WWOX: variants seen among roughly 807,000 people sequenced by gnomAD.
WWOX encodes the protein WW domain containing oxidoreductase, also known as WW domain-containing oxidoreductase.
WWOX carries 69 observed loss-of-function variants against 46.2 expected under a neutral mutation model. The observed-to-expected ratio is 1.49, with a 90% confidence interval of 1.23 to 1.82. The LOEUF is 1.82. Among genes scored for constraint, WWOX ranks in the 40% most tolerant of loss-of-function variants. WWOX has a pLI of 0.00. For missense variants in WWOX, 919 were observed against 542.6 expected (o/e 1.69, Z -6.89); for synonymous variants, 359 against 202.6 (o/e 1.77, Z -6.56).
At chr16:78,418,634 T>C (rs959224619) in intron 6 of WWOX, among the ~76,000 whole-genome samples, 33 of 152,234 alleles carry the variant, frequency 2.2e-4, no homozygotes, top group Admixed American at 3.9e-4. Context: ...ATCCAAACAA[T>C]TCACGGTTGG....
At chr16:78,161,774 C>T (rs2034802107) in intron 4 of WWOX, among the ~76,000 whole-genome samples, 1 of 152,104 alleles carries the variant, frequency 6.6e-6, no homozygotes, top group Non-Finnish European at 1.5e-5. Context: ...TTCTGCTTTT[C>T]TTCTCCATTA....
intron 5 of WWOX, among the ~76,000 whole-genome samples, chr16:78,195,803 CAG>C (rs1255869507): frequency 2.8e-5 from 3 of 106,722 alleles, no homozygotes; most frequent in East Asian, 2.8e-4. Flanking sequence ...GCCTGGGTGA[CAG>C]AGCAAGACTC....
chr16:78,392,382 G>C (rs1464171094), intron 6 of WWOX, among the ~76,000 whole-genome samples: 1 of 152,056 alleles, frequency 6.6e-6, no homozygotes, highest in African/African-American at 2.4e-5. Flanking sequence ...TCTAGTTCTA[G>C]GAAAACAAGC....
At chr16:78,510,228 G>A in intron 8 of WWOX, among the ~76,000 whole-genome samples, 1 of 151,630 alleles carries the variant, frequency 6.6e-6, no homozygotes, top group East Asian at 1.9e-4. Flanking sequence ...TCTTTTTTTG[G>A]AGATGGAGTC....
intron 8 of WWOX, among the ~76,000 whole-genome samples, chr16:79,005,985 G>A (rs1299563733): frequency 2.0e-5 from 3 of 152,152 alleles, no homozygotes; most frequent in Non-Finnish European, 4.4e-5. Flanking sequence ...GGCGGCAGGT[G>A]TTTAGTCCCC....
intron 8 of WWOX, among the ~76,000 whole-genome samples, chr16:78,684,395 G>A (rs557997315): frequency 2.6e-5 from 4 of 152,188 alleles, no homozygotes; most frequent in Non-Finnish European, 5.9e-5. Context: ...CCAGTGGGTA[G>A]GGATGACTGG....
At chr16:78,708,705 G>A (rs1415023309) in intron 8 of WWOX, among the ~76,000 whole-genome samples, 1 of 152,164 alleles carries the variant, frequency 6.6e-6, no homozygotes, top group Non-Finnish European at 1.5e-5. Context: ...CTCCAAGTGC[G>A]TTTATTATTG....
At chr16:78,267,430 A>T (rs1432740374) in intron 5 of WWOX, among the ~76,000 whole-genome samples, 1 of 152,192 alleles carries the variant, frequency 6.6e-6, no homozygotes, top group African/African-American at 2.4e-5. Flanking sequence ...TGGATATTTT[A>T]TTTTGTAGTC....
chr16:78,808,439 T>C (rs1480127465), intron 8 of WWOX, among the ~76,000 whole-genome samples: 3 of 152,180 alleles, frequency 2.0e-5, no homozygotes, highest in Non-Finnish European at 4.4e-5. Context: ...AAAGTAGAAA[T>C]CCATTTTAAA....
In WWOX at chr16:79,083,201, A is replaced by T. The variant is rs201179627; in HGVS notation, c.1057-128407A>T. ...CCTACTTGAGGGCGCAGGTAGGGGCACTTTGCTGCCTCCTTTGACAATAAG... is the reference window on the plus strand; with the variant it reads ...CCTACTTGAGGGCGCAGGTAGGGGCTCTTTGCTGCCTCCTTTGACAATAAG... On this transcript the variant is annotated intron_variant, in intron 8 of 8. Transcript: ENST00000566780. 2.0e-5 allele frequency among the ~76,000 whole-genome samples: 3 copies of T among 152,262 alleles called. No homozygotes were observed. In the South Asian group the frequency reaches 6.2e-4, roughly 32 times the overall value.
chr16:78,335,953 G>A (rs1394860446), intron 5 of WWOX, among the ~76,000 whole-genome samples: 6 of 152,042 alleles, frequency 3.9e-5, no homozygotes, highest in Non-Finnish European at 8.8e-5. Flanking sequence ...TTTGCCGGGT[G>A]TAGTGGTGCA....
intron 8 of WWOX, among the ~76,000 whole-genome samples, chr16:78,968,107 G>A (rs2047928): frequency 0.54 from 61,748 of 113,686 alleles, 13,121 homozygotes; most frequent in Non-Finnish European, 0.57. Context: ...GGCACAGCGC[G>A]TGGTCCGCGT....
chr16:78,458,643 G>A (rs1033021204), intron 8 of WWOX, among the ~76,000 whole-genome samples: 3 of 151,324 alleles, frequency 2.0e-5, no homozygotes, highest in African/African-American at 4.9e-5. Context: ...TTATTTTATA[G>A]CATATAAAAG....
chr16:78,329,251 C>G (rs1371681626), intron 5 of WWOX, among the ~76,000 whole-genome samples: 3 of 152,134 alleles, frequency 2.0e-5, no homozygotes, highest in Non-Finnish European at 4.4e-5. Flanking sequence ...TTCTCATTTC[C>G]TTGAGATGGT....
rs113667793 is a variant in WWOX at position 78,354,466 on chromosome 16, A to G, written c.517-32394A>G. Among the ~76,000 whole-genome samples the G allele has an allele frequency of 3.3e-5, 5 of 152,166 alleles. 1 individual carries two copies. The highest frequency in any genetic ancestry group is 4.8e-5 in the African/African-American group (2 of 41,534). ...CGCTCATTACTGCAGTTTAATTTTG[A>G]TGCTGGTTTTTGATGATGTATTGAA... On this transcript the variant is annotated intron_variant, in intron 5 of 8. Transcript: ENST00000566780.
intron 8 of WWOX, among the ~76,000 whole-genome samples, chr16:79,182,020 C>T (rs886670286): frequency 2.6e-5 from 4 of 152,118 alleles, no homozygotes; most frequent in African/African-American, 9.7e-5. Flanking sequence ...GATTCTGCAG[C>T]AGACAGGTTA....
chr16:78,989,350 T>C (rs577186656), intron 8 of WWOX, among the ~76,000 whole-genome samples: 27 of 152,316 alleles, frequency 1.8e-4, no homozygotes, highest in African/African-American at 6.3e-4. Context: ...TGAACTCATC[T>C]TTGCTTCCTT....
At chr16:78,834,585 C>G (rs991654009) in intron 8 of WWOX, among the ~76,000 whole-genome samples, 3 of 151,946 alleles carry the variant, frequency 2.0e-5, no homozygotes, top group Non-Finnish European at 4.4e-5. Context: ...TCCCCATTGC[C>G]GATGATCAGA....
At chr16:78,443,804 T>A (rs1296132654) in intron 8 of WWOX, among the ~76,000 whole-genome samples, 1 of 152,218 alleles carries the variant, frequency 6.6e-6, no homozygotes, top group Non-Finnish European at 1.5e-5. Flanking sequence ...CTTTTTTCTT[T>A]TAAGTTTGTG....
Sources: allele counts gnomAD v4.1 joint callset (sites outside exome capture counted in the v4.1 genomes callset), GRCh38; gene constraint gnomAD v4.1.1; transcripts MANE v1.5; gene names NCBI Gene and HGNC (gene_info 2026-07-23, HGNC 2026-07-21).